The following PDE7B variants were observed in gnomAD, a reference collection of about 807,000 sequenced individuals.
The protein encoded by PDE7B is phosphodiesterase 7B.
Under a neutral mutation model 56.2 loss-of-function variants are expected in PDE7B, and 29 were observed. That is an observed-to-expected ratio of 0.52 (90% CI 0.38 to 0.70). PDE7B has a LOEUF of 0.70. Ranked by LOEUF, PDE7B falls within the 30% of genes least tolerant of loss-of-function variation. The pLI is 0.00. For missense variants in PDE7B, 490 were observed against 565.0 expected (o/e 0.87, Z 1.35); for synonymous variants, 197 against 196.9 (o/e 1.00, Z 0.00).
At chr6:136,061,924 A>G (rs1776851931) in intron 2 of PDE7B, among the ~76,000 whole-genome samples, 1 of 152,222 alleles carries the variant, frequency 6.6e-6, no homozygotes, top group South Asian at 2.1e-4. Context: ...TTCCTGGTAC[A>G]TTGCCAGAAC....
At chr6:136,041,734 A>G (rs541243025) in intron 2 of PDE7B, among the ~76,000 whole-genome samples, 1 of 152,316 alleles carries the variant, frequency 6.6e-6, no homozygotes, top group South Asian at 2.1e-4. Context: ...CAATTATTTA[A>G]TTGTGTTAAT....
At chr6:136,152,081 G>T (rs1392655942) in intron 6 of PDE7B, among the ~76,000 whole-genome samples, 1 of 152,190 alleles carries the variant, frequency 6.6e-6, no homozygotes, top group Non-Finnish European at 1.5e-5. Flanking sequence ...AAGAGGAGGG[G>T]TTGGTCTTCC....
At chr6:136,129,289 C>T (rs1778075650) in intron 3 of PDE7B, among the ~76,000 whole-genome samples, 1 of 152,186 alleles carries the variant, frequency 6.6e-6, no homozygotes, top group Admixed American at 6.5e-5. Flanking sequence ...ACTCCGTGTA[C>T]AGCAATAGGA....
intron 4 of PDE7B, among the ~76,000 whole-genome samples, 179 bp from the exon 5 acceptor site, chr6:136,148,908 T>G (rs1778465504): frequency 1.3e-5 from 2 of 152,338 alleles, no homozygotes; most frequent in South Asian, 2.1e-4. Context: ...ACGGTCTTTT[T>G]GTGTCACGCT....
At chr6:136,040,314 C>G (rs1207354326) in intron 2 of PDE7B, among the ~76,000 whole-genome samples, 1 of 152,186 alleles carries the variant, frequency 6.6e-6, no homozygotes, top group Non-Finnish European at 1.5e-5. Context: ...CCTCCTCACT[C>G]TCAGGGAGAT....
At chr6:135,862,051 C>T (rs191856249) in intron 1 of PDE7B, among the ~76,000 whole-genome samples, 2 of 151,890 alleles carry the variant, frequency 1.3e-5, no homozygotes, top group East Asian at 3.9e-4. Context: ...TCAGAGCATC[C>T]AGAATACTGG....
At chr6:136,020,926 T>C (rs1397490437) in intron 2 of PDE7B, among the ~76,000 whole-genome samples, 1 of 152,212 alleles carries the variant, frequency 6.6e-6, no homozygotes, top group Non-Finnish European at 1.5e-5. Flanking sequence ...CATTGCATGA[T>C]AACAATAGTA....
intron 1 of PDE7B, among the ~76,000 whole-genome samples, chr6:135,874,541 T>G (rs1232650047): frequency 6.6e-6 from 1 of 152,192 alleles, no homozygotes; most frequent in Non-Finnish European, 1.5e-5. Context: ...GGAAAGGAGA[T>G]TGCGGTCTTT....
intron 1 of PDE7B, among the ~76,000 whole-genome samples, chr6:135,884,222 T>C (rs900039262): frequency 6.6e-6 from 1 of 152,146 alleles, no homozygotes. Flanking sequence ...ATGGGTGAAA[T>C]TAAATATTCC....
At chr6:136,021,882 C>T (rs978082249) in intron 2 of PDE7B, among the ~76,000 whole-genome samples, 5 of 152,328 alleles carry the variant, frequency 3.3e-5, no homozygotes, top group South Asian at 2.1e-4. Flanking sequence ...CTTGTCATCA[C>T]ACTTGGAGAG....
intron 2 of PDE7B, among the ~76,000 whole-genome samples, chr6:135,971,388 T>C (rs1290410454): frequency 3.3e-5 from 5 of 152,134 alleles, no homozygotes; most frequent in Non-Finnish European, 7.3e-5. Flanking sequence ...GCCACTTAGT[T>C]TATGGTGCTT....
At chr6:136,102,286 G>A (rs1196477575) in intron 2 of PDE7B, among the ~76,000 whole-genome samples, 1 of 151,682 alleles carries the variant, frequency 6.6e-6, no homozygotes, top group Non-Finnish European at 1.5e-5. Context: ...GTGGGGGTTT[G>A]GGAAGGAACA....
intron 2 of PDE7B, among the ~76,000 whole-genome samples, chr6:136,081,386 A>C (rs1291874016): frequency 6.6e-6 from 1 of 152,216 alleles, no homozygotes; most frequent in Admixed American, 6.5e-5. Flanking sequence ...GGATAAATAG[A>C]GGGAGACTAC....
rs116310251 is a variant in PDE7B, at chr6:136,090,731, A to G, written c.83-18000A>G. 9.6e-3 allele frequency among the ~76,000 whole-genome samples: 1,468 copies of G among 152,214 alleles called. 30 individuals are homozygous for G. Among genetic ancestry groups the G allele is most frequent in the African/African-American group, 0.032 (1,333 of 41,544 alleles). On this transcript the variant is annotated intron_variant, in intron 2 of 12. Transcript: ENST00000308191. ...GTTTTGTTAAACAACCAAGTCTCCT[A>G]GGAGGGCCAAGAAGTTTTCACCACA...
rs2128453030 is a variant in PDE7B at position 136,192,918 on chromosome 6, A to G, written c.*1078A>G. 1 of 152,418 alleles carries G rather than the reference A, an allele frequency of 6.6e-6. No homozygotes were observed. Among genetic ancestry groups the G allele is most frequent in the Middle Eastern group, 3.4e-3 (1 of 294 alleles). The allele number at this position is 152,418 out of a possible 1,614,324, so 9.4% of individuals were successfully genotyped here. Reference sequence around the variant, plus strand: ...TGTTTTCCAGCTAAGGTCACAAACCAAAACTGAATAAAGTCTTTGAGGAAA... The same window carrying G: ...TGTTTTCCAGCTAAGGTCACAAACCGAAACTGAATAAAGTCTTTGAGGAAA... On this transcript the variant is annotated 3_prime_UTR_variant, in exon 13 of 13. Coordinates refer to ENST00000308191, the MANE Select transcript of PDE7B (RefSeq NM_018945.4).
In PDE7B at chr6:135,923,109, AAAG is replaced by A. The variant is rs200034411; in HGVS notation, c.22-24344_22-24342del. On this transcript the variant is annotated intron_variant, in intron 1 of 12. Transcript: ENST00000308191. ...TCCTGTTTTATTAGTGTTTATTTAA[AAAG>A]AAGAAGAAGAGAAAGAAGCTGAAGT... Among the ~76,000 whole-genome samples, 594 of 152,324 alleles carry A rather than the reference AAAG, an allele frequency of 3.9e-3. 2 individuals carry two copies. Among genetic ancestry groups the A allele is most frequent in the African/African-American group, 0.013 (549 of 41,570 alleles).
intron 2 of PDE7B, among the ~76,000 whole-genome samples, chr6:136,101,990 AC>A (rs1186069279): frequency 2.0e-5 from 3 of 152,216 alleles, no homozygotes; most frequent in Non-Finnish European, 4.4e-5. Flanking sequence ...CCTATGAAGT[AC>A]ATCATGCGTA....
At chr6:136,190,561 T>C (rs980510761) in intron 12 of PDE7B, among the ~76,000 whole-genome samples, 6 of 152,162 alleles carry the variant, frequency 3.9e-5, no homozygotes, top group South Asian at 2.1e-4. Context: ...CAGCTACACA[T>C]CAAGGAAATA....
rs1777831169 is a variant in PDE7B, at chr6:136,116,364, C to T, written c.166+7550C>T. Among the ~76,000 whole-genome samples the T allele has an allele frequency of 2.0e-5, 3 of 152,198 alleles. No individual in the cohort carries two copies. The South Asian group carries it at 6.2e-4, about 32-fold the overall frequency. On this transcript the variant is annotated intron_variant, in intron 3 of 12. Coordinates refer to ENST00000308191, the MANE Select transcript of PDE7B (RefSeq NM_018945.4). ...AAACTTGTCTCATTAAGAAGAGGAT[C>T]TCTAGAGAATTTTGCAAAAAAGGTG...
Sources: gnomAD v4.1 joint callset for allele counts (sites outside exome capture counted in the v4.1 genomes callset) on GRCh38, gnomAD v4.1.1 for gene constraint, MANE v1.5 for transcripts, NCBI Gene and HGNC (gene_info 2026-07-23, HGNC 2026-07-21) for gene names.